The following USP37 variants were observed in gnomAD, a reference collection of about 807,000 sequenced individuals.
USP37 encodes ubiquitin carboxyl-terminal hydrolase 37.
A neutral mutation model predicts 124.0 loss-of-function variants in USP37; 27 were observed. That is an observed-to-expected ratio of 0.22 (90% CI 0.16 to 0.30). USP37 has a LOEUF of 0.30. Among genes scored for constraint, USP37 ranks in the 10% least tolerant of loss-of-function variants. The pLI is 1.00. For synonymous variants in USP37, 365 were observed against 388.0 expected, an observed-to-expected ratio of 0.94 and a Z score of 0.70; for missense variants, 889 against 1,140.4, an observed-to-expected ratio of 0.78 and a Z score of 3.17.
At chr2:218,498,302 C>G (rs576757242) in intron 11 of USP37, 145 bp from the exon 12 acceptor site, 9 of 772,328 alleles carry the variant, frequency 1.2e-5, no homozygotes, top group Non-Finnish European at 1.7e-5. Context: ...CCCAAGGTTT[C>G]TGATTCAGTA....
At chr2:218,535,346 A>G (rs1691565919) in intron 8 of USP37, among the ~76,000 whole-genome samples, 1 of 151,246 alleles carries the variant, frequency 6.6e-6, no homozygotes, top group Admixed American at 6.6e-5. Flanking sequence ...AGCTTGGGCA[A>G]CAGAGTGAGT....
chr2:218,481,695 T>C (rs1691280539), intron 17 of USP37, among the ~76,000 whole-genome samples: 1 of 151,020 alleles, frequency 6.6e-6, no homozygotes, highest in African/African-American at 2.4e-5. Flanking sequence ...TTTTTTTTTT[T>C]TTTTTGAGAT....
intron 1 of USP37, among the ~76,000 whole-genome samples, chr2:218,565,784 C>T (rs1412030611): frequency 6.6e-6 from 1 of 152,186 alleles, no homozygotes; most frequent in African/African-American, 2.4e-5. Context: ...TGCAGTGGCT[C>T]ACACCTGTAA....
intron 3 of USP37, among the ~76,000 whole-genome samples, chr2:218,559,324 A>C (rs1264743059): frequency 1.3e-5 from 2 of 152,120 alleles, no homozygotes. Flanking sequence ...ACAAAACAAA[A>C]CAATACAAAA....
chr2:218,509,166 A>C (rs954050600), intron 11 of USP37, among the ~76,000 whole-genome samples: 3 of 152,224 alleles, frequency 2.0e-5, no homozygotes, highest in African/African-American at 7.2e-5. Context: ...GTTCTGTATT[A>C]ATATACATAG....
chr2:218,537,313 C>A (rs2106032546), intron 8 of USP37, among the ~76,000 whole-genome samples: 2 of 152,312 alleles, frequency 1.3e-5, no homozygotes, highest in Middle Eastern at 6.8e-3. Flanking sequence ...AGGTGCCCTG[C>A]AGGTTTCCAC....
chr2:218,544,430 TAGAGAGAG>T (rs56690495), intron 8 of USP37, among the ~76,000 whole-genome samples: 16 of 50,818 alleles, frequency 3.1e-4, no homozygotes, highest in South Asian at 1.1e-3. Context: ...TATATATATA[TAGAGAGAG>T]AGAGAGAGAG....
chr2:218,476,053 G>T (rs1219769353), intron 19 of USP37, among the ~76,000 whole-genome samples: 2 of 151,984 alleles, frequency 1.3e-5, no homozygotes, highest in African/African-American at 4.8e-5. Context: ...ATAGGAAACA[G>T]AACAAAAATA....
intron 10 of USP37, among the ~76,000 whole-genome samples, chr2:218,515,613 A>C (rs1451364660): frequency 6.6e-6 from 1 of 152,212 alleles, no homozygotes; most frequent in African/African-American, 2.4e-5. Context: ...AACCTAGACA[A>C]TACCATTCAG....
intron 21 of USP37, among the ~76,000 whole-genome samples, chr2:218,465,230 C>A (rs994138754): frequency 5.9e-5 from 9 of 151,806 alleles, no homozygotes; most frequent in Non-Finnish European, 1.2e-4. Flanking sequence ...CCTTAAAATA[C>A]AATTATAAAA....
intron 9 of USP37, among the ~76,000 whole-genome samples, chr2:218,530,616 T>A (rs1421029212): frequency 2.6e-5 from 4 of 152,150 alleles, no homozygotes; most frequent in African/African-American, 9.7e-5. Flanking sequence ...AAAGAAGAGA[T>A]GCACATCTCC....
chr2:218,466,687 G>T (rs1034852889), intron 20 of USP37, among the ~76,000 whole-genome samples: 1 of 152,126 alleles, frequency 6.6e-6, no homozygotes, highest in Non-Finnish European at 1.5e-5. Context: ...AGCAAATGAA[G>T]TAAGAATTAG....
intron 2 of USP37, among the ~76,000 whole-genome samples, chr2:218,561,527 G>T (rs142900620): frequency 6.6e-6 from 1 of 151,946 alleles, no homozygotes; most frequent in Non-Finnish European, 1.5e-5. Flanking sequence ...GTGTGGTGGC[G>T]TGCGCCTGTA....
In USP37 at chr2:218,463,378, A is replaced by G. The variant is rs754090517; in HGVS notation, c.2467-12T>C. 5.7e-5 allele frequency: 92 copies of G among 1,613,704 alleles called. No individual in the cohort carries two copies. The highest frequency in any genetic ancestry group is 9.9e-5 in the South Asian group (9 of 91,082). On this transcript the variant is annotated splice_polypyrimidine_tract_variant and intron_variant, in intron 21 of 25. Transcript: ENST00000258399. ...TGTTCCCAAGCCTCCTAAAGGGAAA[A>G]GAACAAAAACTAAGGTATTTAAAGA...
chr2:218,564,054 G>C (rs911397521), intron 1 of USP37, among the ~76,000 whole-genome samples: 1 of 151,984 alleles, frequency 6.6e-6, no homozygotes, highest in Non-Finnish European at 1.5e-5. Context: ...CTGGGTGAGG[G>C]AGCAAGACTC....
chr2:218,503,484 G>A (rs1258831194), intron 11 of USP37, among the ~76,000 whole-genome samples: 1 of 152,210 alleles, frequency 6.6e-6, no homozygotes, highest in Admixed American at 6.5e-5. Flanking sequence ...TGGAGGCCGA[G>A]GCGGGCAGAT....
chr2:218,558,362 T>C, intron 4 of USP37, 136 bp downstream of exon 4: 1 of 794,292 alleles, frequency 1.3e-6, no homozygotes, highest in Non-Finnish European at 1.9e-6. Context: ...TACATAAAAA[T>C]ATTAATGTCC....
intron 4 of USP37, among the ~76,000 whole-genome samples, chr2:218,554,987 T>C (rs958204265): frequency 2.0e-5 from 3 of 152,182 alleles, no homozygotes; most frequent in African/African-American, 7.2e-5. Context: ...AAAGATCATA[T>C]GGACCTGAAA....
intron 10 of USP37, among the ~76,000 whole-genome samples, chr2:218,520,869 T>C (rs1321171166): frequency 6.6e-6 from 1 of 152,170 alleles, no homozygotes; most frequent in Non-Finnish European, 1.5e-5. Context: ...GTTTGGATAT[T>C]TGTCCCTGCC....
Sources: gnomAD v4.1 joint callset for allele counts (sites outside exome capture counted in the v4.1 genomes callset) on GRCh38, gnomAD v4.1.1 for gene constraint, MANE v1.5 for transcripts, NCBI Gene and HGNC (gene_info 2026-07-23, HGNC 2026-07-21) for gene names.